Variants in SNTG1 observed in about 807,000 individuals in gnomAD.
SNTG1 encodes the protein gamma-1-syntrophin.
SNTG1 carries 39 observed loss-of-function variants against 74.7 expected under a neutral mutation model. The ratio of observed to expected loss-of-function variants is 0.52; its 90% CI spans 0.40 to 0.68. SNTG1 has a LOEUF of 0.68. SNTG1 is among the 30% of genes least tolerant of loss of function. The pLI is 0.00. For missense variants in SNTG1, 685 were observed against 609.5 expected (o/e 1.12, Z -1.30); for synonymous variants, 254 against 217.1 (o/e 1.17, Z -1.49).
chr8:50,204,694 T>C (rs1257347663), intron 2 of SNTG1, among the ~76,000 whole-genome samples: 2 of 152,142 alleles, frequency 1.3e-5, no homozygotes, highest in African/African-American at 4.8e-5. Context: ...ACATTAGTTA[T>C]ATCTCCTAAT....
chr8:50,437,867 T>C (rs1226636632), intron 4 of SNTG1, among the ~76,000 whole-genome samples: 1 of 152,246 alleles, frequency 6.6e-6, no homozygotes, highest in Non-Finnish European at 1.5e-5. Flanking sequence ...TTTGTTCTCA[T>C]GCCATCATCT....
intron 12 of SNTG1, among the ~76,000 whole-genome samples, chr8:50,555,925 C>A (rs1427955952): frequency 6.6e-6 from 1 of 152,006 alleles, no homozygotes; most frequent in Non-Finnish European, 1.5e-5. Flanking sequence ...CGAAAAACAA[C>A]CTGTGTTAGA....
chr8:50,033,497 C>T (rs1482211909), intron 1 of SNTG1, among the ~76,000 whole-genome samples: 1 of 152,138 alleles, frequency 6.6e-6, no homozygotes, highest in East Asian at 1.9e-4. Context: ...GCTGCCATAA[C>T]AAACACCACG....
chr8:50,765,629 T>A (rs1170958498), intron 18 of SNTG1, among the ~76,000 whole-genome samples: 1 of 152,010 alleles, frequency 6.6e-6, no homozygotes, highest in Non-Finnish European at 1.5e-5. Flanking sequence ...ATTTTTAAAC[T>A]GTTAATGCCA....
In SNTG1 at chr8:50,762,629, C is replaced by T. The variant is rs190900289; in HGVS notation, c.1395+10518C>T. On this transcript the variant is annotated intron_variant, in intron 18 of 18. Transcript: ENST00000642720. Reference sequence around the variant, plus strand: ...CAGTGTATCCTCTCCCCAGGTGATGCCTTTGTTCTTATTAGCATCTGTGTA... The same window carrying T: ...CAGTGTATCCTCTCCCCAGGTGATGTCTTTGTTCTTATTAGCATCTGTGTA... The T allele has an allele frequency of 1.8e-4, 76 of 432,186 alleles. 1 individual carries two copies. Among genetic ancestry groups the T allele is most frequent in the African/African-American group, 1.5e-3 (73 of 49,520 alleles). The allele number at this position is 432,186 out of a possible 1,614,324, so 26.8% of individuals were successfully genotyped here. A position where few individuals can be genotyped will look rare whatever the true frequency, so the allele number is the denominator to read the frequency against.
chr8:49,971,800 G>A (rs372960563), intron 1 of SNTG1, among the ~76,000 whole-genome samples: 4 of 152,048 alleles, frequency 2.6e-5, no homozygotes, highest in East Asian at 1.9e-4. Flanking sequence ...TAGGAATCCA[G>A]CTTACAAGGG....
chr8:50,460,244 A>G (rs997360624), intron 8 of SNTG1, among the ~76,000 whole-genome samples: 5 of 152,120 alleles, frequency 3.3e-5, no homozygotes, highest in African/African-American at 1.2e-4. Context: ...GTGATGATGG[A>G]CATTTTTAAA....
At chr8:50,211,721 A>G (rs1196647730) in intron 2 of SNTG1, among the ~76,000 whole-genome samples, 3 of 152,160 alleles carry the variant, frequency 2.0e-5, no homozygotes, top group African/African-American at 7.2e-5. Flanking sequence ...TTTTTAAAAA[A>G]TGTTTTATTT....
chr8:49,949,274 T>C (rs1277194984), intron 1 of SNTG1, among the ~76,000 whole-genome samples: 1 of 152,206 alleles, frequency 6.6e-6, no homozygotes, highest in African/African-American at 2.4e-5. Flanking sequence ...CAAGAATCGA[T>C]GTCATCATGT....
intron 18 of SNTG1, among the ~76,000 whole-genome samples, chr8:50,763,891 AC>A (rs1563817576): frequency 1.7e-4 from 22 of 132,682 alleles, no homozygotes; most frequent in African/African-American, 6.2e-4. Context: ...ACACACACAC[AC>A]ACACACACAC....
intron 9 of SNTG1, among the ~76,000 whole-genome samples, chr8:50,505,888 C>G (rs572029637): frequency 6.6e-6 from 1 of 152,000 alleles, no homozygotes; most frequent in East Asian, 1.9e-4. Flanking sequence ...GCTTCTAATG[C>G]CTGTGTTTTT....
At chr8:50,626,612 T>C (rs975299914) in intron 13 of SNTG1, among the ~76,000 whole-genome samples, 1 of 152,238 alleles carries the variant, frequency 6.6e-6, no homozygotes, top group Non-Finnish European at 1.5e-5. Context: ...AACAAAGGGA[T>C]TGCCTCTGGC....
At chr8:49,915,280 T>A (rs1031889910) in intron 1 of SNTG1, among the ~76,000 whole-genome samples, 1 of 152,182 alleles carries the variant, frequency 6.6e-6, no homozygotes, top group Non-Finnish European at 1.5e-5. Context: ...CGAAATTCAA[T>A]GATTTTGAGA....
intron 1 of SNTG1, among the ~76,000 whole-genome samples, chr8:49,917,389 G>T (rs1806143012): frequency 6.6e-6 from 1 of 152,112 alleles, no homozygotes; most frequent in South Asian, 2.1e-4. Flanking sequence ...ACATACATGG[G>T]ATTTAGAATC....
chr8:50,616,190 A>C (rs151174562), intron 13 of SNTG1, among the ~76,000 whole-genome samples: 7 of 152,362 alleles, frequency 4.6e-5, no homozygotes, highest in African/African-American at 1.2e-4. Context: ...GGTTTGACCA[A>C]ACAGCTAGCC....
chr8:50,574,345 A>T (rs2130781149), intron 12 of SNTG1, among the ~76,000 whole-genome samples: 1 of 152,218 alleles, frequency 6.6e-6, no homozygotes, highest in Admixed American at 6.5e-5. Flanking sequence ...TGATATTTTT[A>T]TCTTTTGGAA....
chr8:50,182,903 T>TCTCTGACAAC (rs1329832783), intron 2 of SNTG1, among the ~76,000 whole-genome samples: 2 of 152,242 alleles, frequency 1.3e-5, no homozygotes, highest in Middle Eastern at 3.4e-3. Flanking sequence ...ATGAGGCAAA[T>TCTCTGACAAC]CTCTGACAAC....
At chr8:50,723,305 T>C (rs2095492209) in intron 17 of SNTG1, among the ~76,000 whole-genome samples, 1 of 152,208 alleles carries the variant, frequency 6.6e-6, no homozygotes, top group Non-Finnish European at 1.5e-5. Flanking sequence ...TTTCTTTTGC[T>C]CTCTCCTTTC....
intron 9 of SNTG1, among the ~76,000 whole-genome samples, chr8:50,526,347 C>T (rs1365791449): frequency 6.6e-6 from 1 of 152,134 alleles, no homozygotes; most frequent in Non-Finnish European, 1.5e-5. Flanking sequence ...ACACTTACTT[C>T]TGATCACACC....
Sources: gnomAD v4.1 joint callset for allele counts (sites outside exome capture counted in the v4.1 genomes callset) on GRCh38, gnomAD v4.1.1 for gene constraint, MANE v1.5 for transcripts, NCBI Gene and HGNC (gene_info 2026-07-23, HGNC 2026-07-21) for gene names.